SCMH1: variants seen among roughly 807,000 people sequenced by gnomAD.
SCMH1 encodes the protein Scm polycomb group protein homolog 1, also known as polycomb protein SCMH1.
In SCMH1, 37 loss-of-function variants were observed where a neutral mutation model predicts 70.8. That is an observed-to-expected ratio of 0.52 (90% CI 0.40 to 0.69). SCMH1 has a LOEUF of 0.69. SCMH1 is among the 30% of genes least tolerant of loss of function. SCMH1 has a pLI of 0.00. For missense variants in SCMH1, 607 were observed against 827.3 expected (o/e 0.73, Z 3.27); for synonymous variants, 292 against 307.4 (o/e 0.95, Z 0.52).
chr1:41,137,654 C>T (rs777450988), intron 6 of SCMH1, among the ~76,000 whole-genome samples: 5 of 152,176 alleles, frequency 3.3e-5, no homozygotes, highest in African/African-American at 4.8e-5. Context: ...TATCTCTCAA[C>T]GAACAGCTTT....
At position 41,119,419 on chromosome 1, in the gene SCMH1, C is replaced by CT. The variant is rs1324742949; in HGVS notation, c.413-2410dup. The stretch of plus-strand genomic sequence containing the variant: ...CATCACTTCCTTTTTGCTTGCCCAG[C>CT]TTTTTTTTCCCTTTAGGGCAAAAAA... On this transcript the variant is annotated intron_variant, in intron 6 of 14. Transcript: ENST00000337495. Among the ~76,000 whole-genome samples the CT allele has an allele frequency of 3.6e-5, 5 of 140,124 alleles. No homozygotes were observed. The East Asian group carries it at 6.6e-4, about 18-fold the overall frequency. 91.9% of individuals were successfully genotyped at this position (140,124 alleles called of 152,430 possible).
chr1:41,059,603 CT>C (rs1651828540), intron 10 of SCMH1, among the ~76,000 whole-genome samples: 2 of 152,218 alleles, frequency 1.3e-5, no homozygotes, highest in African/African-American at 4.8e-5. Flanking sequence ...TGACCTGATT[CT>C]TCCTGGATGC....
intron 6 of SCMH1, among the ~76,000 whole-genome samples, chr1:41,134,238 T>G (rs1344248279): frequency 6.6e-6 from 1 of 152,196 alleles, no homozygotes; most frequent in African/African-American, 2.4e-5. Flanking sequence ...CAACAGCACT[T>G]CATGCTAAAA....
intron 2 of SCMH1, among the ~76,000 whole-genome samples, chr1:41,184,133 AAAAT>A: frequency 6.6e-6 from 1 of 152,338 alleles, no homozygotes; most frequent in East Asian, 1.9e-4. Context: ...TTAATTTTAA[AAAAT>A]AAACTTGCAT....
chr1:41,155,013 T>C (rs1262896612), intron 4 of SCMH1, among the ~76,000 whole-genome samples: 1 of 152,132 alleles, frequency 6.6e-6, no homozygotes, highest in Non-Finnish European at 1.5e-5. Flanking sequence ...AATGAGGTGA[T>C]GTGATAGAGA....
At chr1:41,221,107 T>A (rs960400748) in intron 1 of SCMH1, among the ~76,000 whole-genome samples, 1 of 151,900 alleles carries the variant, frequency 6.6e-6, no homozygotes, top group African/African-American at 2.4e-5. Flanking sequence ...ATTACCACCA[T>A]CATCATCAAT....
chr1:41,122,329 T>C (rs1672148218), intron 6 of SCMH1, among the ~76,000 whole-genome samples: 1 of 152,154 alleles, frequency 6.6e-6, no homozygotes, highest in Admixed American at 6.5e-5. Context: ...AATCAACTCT[T>C]TACAGTTAGT....
chr1:41,187,504 G>C (rs535757390), intron 1 of SCMH1, among the ~76,000 whole-genome samples: 4 of 150,918 alleles, frequency 2.7e-5, no homozygotes, highest in East Asian at 1.9e-4. Flanking sequence ...ACTTCAGGCT[G>C]TAACTTAACT....
chr1:41,049,841 AT>A (rs1321686267), intron 10 of SCMH1, among the ~76,000 whole-genome samples: 1 of 150,580 alleles, frequency 6.6e-6, no homozygotes, highest in Non-Finnish European at 1.5e-5. Flanking sequence ...AGGCGGAAGG[AT>A]CACTTAAAGC....
At chr1:41,177,708 G>A (rs1318079263) in intron 2 of SCMH1, among the ~76,000 whole-genome samples, 6 of 152,098 alleles carry the variant, frequency 3.9e-5, no homozygotes, top group East Asian at 3.9e-4. Context: ...AAAAAGAAAC[G>A]AACACAGCCT....
chr1:41,168,888 G>A (rs912196809), intron 2 of SCMH1, among the ~76,000 whole-genome samples: 9 of 152,032 alleles, frequency 5.9e-5, no homozygotes, highest in East Asian at 1.9e-4. Flanking sequence ...CCACAATACC[G>A]TAGAGTAGGA....
At chr1:41,058,912 C>A (rs1230297707) in intron 10 of SCMH1, among the ~76,000 whole-genome samples, 1 of 152,186 alleles carries the variant, frequency 6.6e-6, no homozygotes, top group Non-Finnish European at 1.5e-5. Flanking sequence ...ATGATATTGA[C>A]ATTATCAGTG....
At chr1:41,082,995 A>G (rs1397785816) in intron 8 of SCMH1, among the ~76,000 whole-genome samples, 2 of 152,196 alleles carry the variant, frequency 1.3e-5, no homozygotes, top group Non-Finnish European at 2.9e-5. Flanking sequence ...AGAGCTATCT[A>G]TGACAAACCC....
rs561214125 is a variant in SCMH1 at position 41,143,540 on chromosome 1, GTTAA to G, written c.178-432_178-429del. On this transcript the variant is annotated intron_variant, in intron 5 of 14. Coordinates refer to ENST00000337495, the Ensembl canonical transcript of SCMH1. ...ATATCTACCACACAGACTATTGAGG[GTTAA>G]TTTTTTCTTATTTTGACAACTTACT... is the stretch of plus-strand genomic sequence containing the variant. 3.3e-5 allele frequency among the ~76,000 whole-genome samples: 5 copies of G among 152,102 alleles called. No individual in the cohort carries two copies. In the South Asian group the frequency reaches 1.0e-3, roughly 32 times the overall value.
chr1:41,143,585 T>C (rs1019559136), intron 5 of SCMH1, among the ~76,000 whole-genome samples: 14 of 152,214 alleles, frequency 9.2e-5, no homozygotes, highest in Admixed American at 2.6e-4. Flanking sequence ...AGTCATACAA[T>C]AGACATACAA....
chr1:41,042,799 C>T (rs1030671977), intron 12 of SCMH1, among the ~76,000 whole-genome samples: 2 of 152,088 alleles, frequency 1.3e-5, no homozygotes, highest in African/African-American at 4.8e-5. Flanking sequence ...CTCTGTCTCC[C>T]TAGAGTCTAG....
intron 6 of SCMH1, among the ~76,000 whole-genome samples, chr1:41,125,492 C>T (rs1257565559): frequency 5.9e-5 from 9 of 151,810 alleles, no homozygotes; most frequent in Non-Finnish European, 1.2e-4. Flanking sequence ...GCTGGGATTA[C>T]AGGTGTGAGC....
chr1:41,195,316 C>G (rs1328199626), intron 1 of SCMH1, among the ~76,000 whole-genome samples: 1 of 151,860 alleles, frequency 6.6e-6, no homozygotes, highest in Non-Finnish European at 1.5e-5. Context: ...ATGCAAAAGT[C>G]CTCAACAAAA....
At chr1:41,200,723 A>G in intron 1 of SCMH1, among the ~76,000 whole-genome samples, 1 of 152,262 alleles carries the variant, frequency 6.6e-6, no homozygotes, top group African/African-American at 2.4e-5. Flanking sequence ...ACTTTAATCT[A>G]TAATGGAACA....
Sources: allele counts gnomAD v4.1 joint callset (sites outside exome capture counted in the v4.1 genomes callset), GRCh38; gene constraint gnomAD v4.1.1; transcripts MANE v1.5; gene names NCBI Gene and HGNC (gene_info 2026-07-23, HGNC 2026-07-21).